Variants in CTC1 observed in about 807,000 individuals in gnomAD.
CTC1 encodes the protein CST telomere replication complex component 1, also known as CST complex subunit CTC1.
CTC1 carries 91 observed loss-of-function variants against 136.3 expected under a neutral mutation model. The ratio of observed to expected loss-of-function variants is 0.67; its 90% CI spans 0.56 to 0.79. CTC1 has a LOEUF of 0.79. Among genes scored for constraint, CTC1 ranks in the 30% least tolerant of loss-of-function variants. CTC1 has a pLI of 0.00. For missense variants in CTC1, 1,432 were observed against 1,498.1 expected, an observed-to-expected ratio of 0.96 and a Z score of 0.73; for synonymous variants, 606 against 613.8, an observed-to-expected ratio of 0.99 and a Z score of 0.19.
rs1366205556 is a variant in CTC1, at chr17:8,238,484, C to CT, written c.342dup (p.Gly115ArgfsTer24). 6.2e-7 allele frequency: 1 copy of CT among 1,614,216 alleles called. No individual in the cohort carries two copies. The highest frequency in any genetic ancestry group is 1.7e-5 in the Admixed American group (1 of 60,028). ...TCTGCCGATAGGTCTGTTAGTGTCC[C>CT]TAAAAGTAACAGCTGCTCTCGGGGC... On this transcript the variant is annotated frameshift_variant, in exon 3 of 23. Transcript: ENST00000651323. LOFTEE classifies it high-confidence loss of function.
At position 8,232,907 on chromosome 17, in the gene CTC1, T is replaced by C; in HGVS notation, c.1944A>G (p.Ile648Met). Residue 648 changes from isoleucine (I) to methionine (M), a missense_variant and splice_region_variant, in exon 11 of 23, where the codon ATA becomes ATG. By Grantham distance (10) the Ile-to-Met change is conservative (BLOSUM62 1). Transcript: ENST00000651323. ...TCTTTCCACATCTGAACTCCAAACC[T>C]ATCAGCCGTGGGTCACTGAGGGGTT... ...HSQPLSDPRL[I>M]GCLVRAERFQ... is the part of the protein sequence containing the mutation. 6.2e-7 allele frequency: 1 copy of C among 1,613,900 alleles called. No homozygotes were observed. Among genetic ancestry groups the C allele is most frequent in the Non-Finnish European group, 8.5e-7 (1 of 1,179,892 alleles).
rs1196702411 is a variant in CTC1, at chr17:8,232,997, T to C, written c.1854A>G (p.Lys618=). 6.2e-7 allele frequency: 1 copy of C among 1,614,124 alleles called. No individual in the cohort carries two copies. The highest frequency in any genetic ancestry group is 8.5e-7 in the Non-Finnish European group (1 of 1,180,008). The change falls in exon 11 of 23, where the codon AAA becomes AAG. Residue 618 remains lysine (K), a synonymous_variant. Coordinates refer to ENST00000651323, the MANE Select transcript of CTC1 (RefSeq NM_025099.6). ...TTTGGTCCCGAAGTTGCAGACAACCTTTATGAGATGAAGCCACCAGAACCC... is the reference window on the plus strand; with the variant it reads ...TTTGGTCCCGAAGTTGCAGACAACCCTTATGAGATGAAGCCACCAGAACCC... The part of the protein sequence containing the change: ...LLGVLVASSH[K]GCLQLRDQSG...
chr17:8,243,386 G>T (rs1988437630), intron 1 of CTC1, among the ~76,000 whole-genome samples: 1 of 152,072 alleles, frequency 6.6e-6, no homozygotes, highest in Non-Finnish European at 1.5e-5. Context: ...GGGGGTGGTG[G>T]TGCACACCTA....
chr17:8,236,196 T>C lies in CTC1; in HGVS notation c.939A>G (p.Glu313=). 6.2e-7 allele frequency: 1 copy of C among 1,614,194 alleles called. No individual in the cohort carries two copies. Among genetic ancestry groups the C allele is most frequent in the Non-Finnish European group, 8.5e-7 (1 of 1,180,032 alleles). The part of the protein sequence containing the change: ...QSSRLLLLKP[E]CVQELELELE... ...GCTCCAGTTCCAGCTCCTGCACACATTCTGGTTTCAGCAGCAACAGACGGG... is the reference window on the plus strand; with the variant it reads ...GCTCCAGTTCCAGCTCCTGCACACACTCTGGTTTCAGCAGCAACAGACGGG... The change falls in exon 6 of 23, where the codon GAA becomes GAG. Residue 313 remains glutamate (E), a synonymous_variant. Coordinates refer to ENST00000651323, the MANE Select transcript of CTC1 (RefSeq NM_025099.6).
intron 2 of CTC1, among the ~76,000 whole-genome samples, chr17:8,240,294 A>G (rs553242656): frequency 6.6e-6 from 1 of 151,632 alleles, no homozygotes. Context: ...AGCTGGGACT[A>G]CAGGCATGTG....
chr17:8,237,663 CTCAAAAAAAAAAAA>C, intron 4 of CTC1, 144 bp from the exon 5 acceptor site: 4 of 46,314 alleles, frequency 8.6e-5, no homozygotes, highest in East Asian at 6.8e-4. Flanking sequence ...GAAACTACGT[CTCAAAAAAAAAAAA>C]AAAAAAAAAA....
At chr17:8,237,991 G>T in intron 4 of CTC1, 40 bp downstream of exon 4, 1 of 1,546,648 alleles carries the variant, frequency 6.5e-7, no homozygotes, top group Non-Finnish European at 8.9e-7. Context: ...TCATCCTTCA[G>T]TTTTACAGCG....
At chr17:8,234,352 G>C (rs1987501249) in intron 10 of CTC1, 103 bp downstream of exon 10, 2 of 1,118,422 alleles carry the variant, frequency 1.8e-6, no homozygotes, top group Non-Finnish European at 2.7e-6. Context: ...TAGAAGGCTA[G>C]TGTAGTCAAA....
chr17:8,234,390 T>C (rs1987505869), intron 10 of CTC1, 65 bp downstream of exon 10: 5 of 1,430,768 alleles, frequency 3.5e-6, no homozygotes, highest in South Asian at 1.2e-5. Context: ...TAACCGAGAC[T>C]AGAGTCGTGG....
chr17:8,231,463 T>C lies in CTC1; in HGVS notation c.2482A>G (p.Met828Val), dbSNP rs755601164. 1.9e-6 allele frequency: 3 copies of C among 1,605,722 alleles called. No individual in the cohort carries two copies. Among genetic ancestry groups the C allele is most frequent in the African/African-American group, 2.7e-5 (2 of 74,638 alleles). The change falls in exon 15 of 23, where the codon ATG becomes GTG. Residue 828 changes from methionine (M) to valine (V), a missense_variant. Physicochemically the swap from Met to Val is conservative, Grantham distance 21. Coordinates refer to ENST00000651323, the MANE Select transcript of CTC1 (RefSeq NM_025099.6). ...RLIAPGPATP[M>V]LFEKDGSSCI... is the part of the protein sequence containing the mutation. Reference sequence around the variant, plus strand: ...GATGAACCATCCTTTTCAAACAACATTGGTGTCTGCACGGAAATGGGAAGA... The same window carrying C: ...GATGAACCATCCTTTTCAAACAACACTGGTGTCTGCACGGAAATGGGAAGA...
chr17:8,232,774 C>G, intron 11 of CTC1, 132 bp downstream of exon 11: 1 of 1,222,636 alleles, frequency 8.2e-7, no homozygotes, highest in South Asian at 1.4e-5. Context: ...TACAAGTCTC[C>G]CAGAAGTTGT....
In CTC1 at chr17:8,228,522, C is replaced by A. The variant is rs556097361; in HGVS notation, c.3495G>T (p.Pro1165=). 6 of 1,614,112 alleles carry A rather than the reference C, an allele frequency of 3.7e-6. No individual in the cohort carries two copies. The highest frequency in any genetic ancestry group is 5.1e-6 in the Non-Finnish European group (6 of 1,180,006). ...IVLSFELERK[P]SKIVPLEPPR... ...CCTTACCTAATGGGACGATCTTCGACGGTTTCCTTTCCAGCTCAAAAGAAA... is the reference window on the plus strand; with the variant it reads ...CCTTACCTAATGGGACGATCTTCGAAGGTTTCCTTTCCAGCTCAAAAGAAA... Residue 1165 remains proline (P), a synonymous_variant, in exon 22 of 23, where the codon CCG becomes CCT. Coordinates refer to ENST00000651323, the MANE Select transcript of CTC1 (RefSeq NM_025099.6).
chr17:8,243,566 G>A (rs1052045090), intron 1 of CTC1, among the ~76,000 whole-genome samples: 2 of 151,296 alleles, frequency 1.3e-5, no homozygotes, highest in African/African-American at 4.9e-5. Context: ...ATGAAATGAA[G>A]ATCAAAAGTA....
chr17:8,230,994 C>T, intron 15 of CTC1: 2 of 487,934 alleles, frequency 4.1e-6, no homozygotes, highest in Non-Finnish European at 3.6e-6. Flanking sequence ...AAAAAACTAG[C>T]TGGGTGTGGT....
Position 8,234,550 on chromosome 17 carries a change from G to A in CTC1, c.1723C>T (p.Leu575Phe), listed in dbSNP as rs781493938. 1.9e-6 allele frequency: 3 copies of A among 1,582,322 alleles called. No homozygotes were observed. The South Asian group carries it at 3.4e-5, about 18-fold the overall frequency. ...CTGGGCAGGTAGGAGGCCTCCGGGA[G>A]GGGCAGAAGGGCCTTAGGGTCAAAG... The part of the protein sequence containing the change: ...ASFDPKALLP[L>F]PEASYLPSCQ... The change falls in exon 10 of 23, where the codon CTC becomes TTC. Residue 575 changes from leucine to phenylalanine, a missense_variant. Transcript: ENST00000651323.
rs1443306980 is a variant in CTC1, at chr17:8,238,391, C to T, written c.435+1G>A. 6.2e-7 allele frequency: 1 copy of T among 1,612,766 alleles called. No individual in the cohort carries two copies. The highest frequency in any genetic ancestry group is 1.3e-5 in the African/African-American group (1 of 74,902). On this transcript the variant is annotated splice_donor_variant, in intron 3 of 22. Transcript: ENST00000651323. LOFTEE classifies it high-confidence loss of function. ...GCATCTGATCTCCACCTTCCACTCA[C>T]CTCACAGCTCAGGACGCCAGTGTTA...
At position 8,234,818 on chromosome 17, in the gene CTC1, C is replaced by T. The variant is rs781000475; in HGVS notation, c.1548G>A (p.Pro516=). Residue 516 remains proline (P), a synonymous_variant, in exon 9 of 23, where the codon CCG becomes CCA. Coordinates refer to ENST00000651323, the MANE Select transcript of CTC1 (RefSeq NM_025099.6). The part of the protein sequence containing the change: ...LLAPTLDLLA[P]PGSPVRNAHN... ...GTGCATTCCGAACAGGGCTGCCTGG[C>T]GGAGCTAGAAGATCCAGGGTAGGAG... is the stretch of plus-strand genomic sequence containing the variant. The T allele has an allele frequency of 6.8e-5, 110 of 1,612,884 alleles. 1 individual carries two copies. In the South Asian group the frequency reaches 8.6e-4, roughly 13 times the overall value.
At chr17:8,239,012 A>C (rs1043454948) in intron 2 of CTC1, among the ~76,000 whole-genome samples, 1 of 151,262 alleles carries the variant, frequency 6.6e-6, no homozygotes, top group Non-Finnish European at 1.5e-5. Context: ...GAATTGCTTG[A>C]ACCCAGGAGA....
At chr17:8,239,427 T>C (rs1988029311) in intron 2 of CTC1, among the ~76,000 whole-genome samples, 1 of 152,064 alleles carries the variant, frequency 6.6e-6, no homozygotes, top group Non-Finnish European at 1.5e-5. Flanking sequence ...GGCTGAGATG[T>C]GGGTGTTGGA....
Sources: allele counts gnomAD v4.1 joint callset (sites outside exome capture counted in the v4.1 genomes callset), GRCh38; gene constraint gnomAD v4.1.1; transcripts MANE v1.5; gene names NCBI Gene and HGNC (gene_info 2026-07-23, HGNC 2026-07-21).